CDC27: variants seen among roughly 807,000 people sequenced by gnomAD.
CDC27 encodes cell division cycle protein 27 homolog.
Under a neutral mutation model 109.7 loss-of-function variants are expected in CDC27, and 27 were observed. That is an observed-to-expected ratio of 0.25 (90% CI 0.18 to 0.34). The LOEUF is 0.34. Ranked by LOEUF, CDC27 falls within the 10% of genes least tolerant of loss-of-function variation. The pLI is 1.00. For missense variants in CDC27, 579 were observed against 960.2 expected (o/e 0.60, Z 5.25); for synonymous variants, 266 against 333.9 (o/e 0.80, Z 2.22).
In CDC27 at chr17:47,133,058, CAT is replaced by C. The variant is rs1231680471; in HGVS notation, c.1914-686_1914-685del. 1.9e-3 allele frequency among the ~76,000 whole-genome samples: 60 copies of C among 31,048 alleles called. 1 individual carries two copies. The East Asian group carries it at 0.028, about 15-fold the overall frequency. The allele number at this position is 31,048 out of a possible 152,430, so 20.4% of individuals were successfully genotyped here. A position where few individuals can be genotyped will look rare whatever the true frequency, so the allele number is the denominator to read the frequency against. On this transcript the variant is annotated intron_variant, in intron 14 of 18. Coordinates refer to ENST00000066544, the MANE Select transcript of CDC27 (RefSeq NM_001256.6). ...ACACACACACACACACACACACATA[CAT>C]ATACACACACACACACACACACACA...
At chr17:47,147,397 T>A (rs2062996235) in intron 9 of CDC27, among the ~76,000 whole-genome samples, 1 of 130,666 alleles carries the variant, frequency 7.7e-6, no homozygotes, top group Non-Finnish European at 1.6e-5. Flanking sequence ...AAACTCCGTC[T>A]CAAAAACAAA....
intron 17 of CDC27, among the ~76,000 whole-genome samples, 161 bp downstream of exon 17, chr17:47,123,725 C>G (rs1634269): frequency 1.3e-5 from 2 of 151,878 alleles, no homozygotes; most frequent in African/African-American, 4.8e-5. Context: ...ATATCATTTT[C>G]TTAAGTGTTA....
intron 2 of CDC27, among the ~76,000 whole-genome samples, chr17:47,175,991 AT>A (rs909463891): frequency 5.3e-5 from 8 of 150,874 alleles, no homozygotes; most frequent in African/African-American, 1.9e-4. Flanking sequence ...TCTGACCCTC[AT>A]TTTTTTTTCA....
At chr17:47,147,756 C>T (rs1264534006) in intron 9 of CDC27, among the ~76,000 whole-genome samples, 1 of 151,964 alleles carries the variant, frequency 6.6e-6, no homozygotes, top group Non-Finnish European at 1.5e-5. Flanking sequence ...AAATAATCAG[C>T]CACATGTGGT....
chr17:47,182,067 C>T (rs2064263371), intron 1 of CDC27, among the ~76,000 whole-genome samples: 1 of 152,172 alleles, frequency 6.6e-6, no homozygotes, highest in Non-Finnish European at 1.5e-5. Flanking sequence ...AACAGGACTG[C>T]CAACCCTACT....
chr17:47,181,255 A>AT (rs2149001661), intron 2 of CDC27: 1 of 37,462 alleles, frequency 2.7e-5, no homozygotes, highest in South Asian at 8.4e-4. Context: ...ACCCTGTTTC[A>AT]AAAAAAAAAA....
At chr17:47,188,062 A>C (rs890473515) in intron 1 of CDC27, among the ~76,000 whole-genome samples, 5 of 152,246 alleles carry the variant, frequency 3.3e-5, no homozygotes, top group Non-Finnish European at 5.9e-5. Context: ...AGAAAAATGA[A>C]ATAAATATGA....
intron 12 of CDC27, among the ~76,000 whole-genome samples, chr17:47,140,476 C>T (rs567040817): frequency 6.6e-6 from 1 of 152,112 alleles, no homozygotes; most frequent in East Asian, 1.9e-4. Context: ...AGGTAGGTAC[C>T]TTTTGGTTTC....
At chr17:47,159,127 G>GGTTT in intron 4 of CDC27, 1 of 320,034 alleles carries the variant, frequency 3.1e-6, no homozygotes, top group Admixed American at 5.0e-5. Context: ...TAAATGACCA[G>GGTTT]GTTTTTATTT....
chr17:47,147,429 A>AACAAC (rs1491293585), intron 9 of CDC27, among the ~76,000 whole-genome samples: 7 of 79,680 alleles, frequency 8.8e-5, no homozygotes, highest in African/African-American at 3.2e-4. Context: ...ACAAACAAAC[A>AACAAC]AAAAAAAAAA....
Position 47,143,833 on chromosome 17 carries a change from T to C in CDC27, c.1170+50A>G, listed in dbSNP as rs780120871. ...TGGAGTCATCAATGAACAGAAATGT[T>C]AGCAGGCGAAGCATTAAGTAAATGT... On this transcript the variant is annotated intron_variant, in intron 10 of 18. Coordinates refer to ENST00000066544, the MANE Select transcript of CDC27 (RefSeq NM_001256.6). The C allele has an allele frequency of 8.6e-6, 7 of 816,740 alleles. No individual in the cohort carries two copies. The East Asian group carries it at 1.5e-4, about 17-fold the overall frequency. 50.6% of individuals were successfully genotyped at this position (816,740 alleles called of 1,614,324 possible).
At chr17:47,188,887 G>C in intron 1 of CDC27, 1 of 1,379,806 alleles carries the variant, frequency 7.2e-7, no homozygotes. Context: ...AAGGCTGGCC[G>C]GACGTTGGCT....
At chr17:47,149,934 A>C (rs1320811696) in intron 9 of CDC27, among the ~76,000 whole-genome samples, 1 of 152,148 alleles carries the variant, frequency 6.6e-6, no homozygotes, top group Non-Finnish European at 1.5e-5. Context: ...CAGCCTGGGT[A>C]ACAGAGCGAA....
intron 10 of CDC27, among the ~76,000 whole-genome samples, chr17:47,143,555 A>T (rs754050732): frequency 6.6e-6 from 1 of 152,174 alleles, no homozygotes; most frequent in Non-Finnish European, 1.5e-5. Flanking sequence ...CTTTTGTGCC[A>T]TGATTTAATA....
intron 6 of CDC27, 30 bp from the exon 7 acceptor site, chr17:47,157,154 C>A: frequency 6.5e-7 from 1 of 1,539,796 alleles, no homozygotes; most frequent in Admixed American, 1.9e-5. Context: ...CCAAGTCATT[C>A]ACAATATATT....
intron 4 of CDC27, among the ~76,000 whole-genome samples, chr17:47,164,795 C>T (rs373381028): frequency 1.3e-5 from 2 of 152,122 alleles, no homozygotes; most frequent in African/African-American, 4.8e-5. Flanking sequence ...CCAGCCTGAG[C>T]GACAGAGCGC....
rs1207508800 is a variant in CDC27, at chr17:47,120,512, G to A, written c.*423C>T. The A allele has an allele frequency of 1.3e-5, 2 of 154,740 alleles. No individual in the cohort carries two copies. Among genetic ancestry groups the A allele is most frequent in the African/African-American group, 2.4e-5 (1 of 41,430 alleles). The allele number at this position is 154,740 out of a possible 1,614,324, so 9.6% of individuals were successfully genotyped here. On this transcript the variant is annotated 3_prime_UTR_variant, in exon 19 of 19. Transcript: ENST00000066544. ...ATTCTTGAAGAACCTAGAAATGAAG[G>A]TCAGTTACTCTGTTTATCAGGAACA... is the stretch of plus-strand genomic sequence containing the variant.
chr17:47,176,214 A>C (rs2063999889), intron 2 of CDC27, among the ~76,000 whole-genome samples: 1 of 152,172 alleles, frequency 6.6e-6, no homozygotes, highest in Non-Finnish European at 1.5e-5. Flanking sequence ...CACATGCTCA[A>C]GTAATTCTAT....
At chr17:47,155,221 T>C (rs1198123255) in intron 7 of CDC27, among the ~76,000 whole-genome samples, 2 of 152,176 alleles carry the variant, frequency 1.3e-5, no homozygotes, top group Non-Finnish European at 2.9e-5. Flanking sequence ...CCTCAGGACC[T>C]GATTCATAGA....
Sources: gnomAD v4.1 joint callset for allele counts (sites outside exome capture counted in the v4.1 genomes callset) on GRCh38, gnomAD v4.1.1 for gene constraint, MANE v1.5 for transcripts, NCBI Gene and HGNC (gene_info 2026-07-23, HGNC 2026-07-21) for gene names.